The following FAM186A variants were observed in gnomAD, a reference collection of about 807,000 sequenced individuals.
The protein encoded by FAM186A is protein FAM186A.
FAM186A carries 163 observed loss-of-function variants against 216.8 expected under a neutral mutation model. The ratio of observed to expected loss-of-function variants is 0.75; its 90% CI spans 0.66 to 0.86. FAM186A has a LOEUF of 0.86. FAM186A is among the 40% of genes least tolerant of loss of function. FAM186A has a pLI of 0.00. For missense variants in FAM186A, 2,184 were observed against 2,746.2 expected (o/e 0.80, Z 4.58); for synonymous variants, 805 against 1,025.3 (o/e 0.79, Z 4.10).
intron 3 of FAM186A, among the ~76,000 whole-genome samples, chr12:50,358,542 C>T (rs890914303): frequency 1.3e-5 from 2 of 151,652 alleles, no homozygotes; most frequent in African/African-American, 4.8e-5. Flanking sequence ...ATTATTGTAC[C>T]AATGCACCCC....
chr12:50,369,363 C>G (rs1405300731), intron 1 of FAM186A, among the ~76,000 whole-genome samples: 3 of 151,552 alleles, frequency 2.0e-5, no homozygotes, highest in Admixed American at 2.0e-4. Flanking sequence ...TGGTGGTGGG[C>G]GCCTGTAGAC....
At chr12:50,383,465 G>A (rs1001825137) in intron 1 of FAM186A, among the ~76,000 whole-genome samples, 1 of 151,728 alleles carries the variant, frequency 6.6e-6, no homozygotes, top group Middle Eastern at 3.2e-3. Flanking sequence ...GCGTGGTGGT[G>A]CACACCTGTA....
chr12:50,393,529 G>A (rs1198392031), intron 1 of FAM186A, among the ~76,000 whole-genome samples: 1 of 150,776 alleles, frequency 6.6e-6, no homozygotes, highest in Admixed American at 6.6e-5. Context: ...GTGTCAGAGC[G>A]AGACTCCATC....
intron 1 of FAM186A, among the ~76,000 whole-genome samples, chr12:50,382,938 T>C (rs950995082): frequency 6.6e-6 from 1 of 151,870 alleles, no homozygotes; most frequent in South Asian, 2.1e-4. Flanking sequence ...TTTTCTTTTA[T>C]AGTAAGAAAC....
At chr12:50,367,516 C>CAAAAAAAAAAAAAA (rs35171998) in intron 1 of FAM186A, among the ~76,000 whole-genome samples, 1 of 89,718 alleles carries the variant, frequency 1.1e-5, no homozygotes, top group Admixed American at 1.3e-4. Context: ...GACTCTGTCT[C>CAAAAAAAAAAAAAA]AAAAAAAAAA....
chr12:50,361,032 A>G, intron 2 of FAM186A, 106 bp from the exon 3 acceptor site: 1 of 774,190 alleles, frequency 1.3e-6, no homozygotes, highest in Non-Finnish European at 1.9e-6. Context: ...ATATTGGGGA[A>G]TATAGGTATC....
chr12:50,351,415 C>G lies in FAM186A; in HGVS notation c.5417G>C (p.Gly1806Ala). Residue 1806 changes from glycine (G) to alanine (A), a missense_variant, in exon 4 of 8, where the codon GGT (glycine) becomes GCT (alanine). Gly to Ala is a moderately conservative substitution (Grantham distance 60, BLOSUM62 0). This residue lies in a region of FAM186A where 721 missense variants were observed against 816.4 expected (regional missense o/e 0.88). Coordinates refer to ENST00000327337, the MANE Select transcript of FAM186A (RefSeq NM_001145475.3). ...CGGGAACTGCGCAGAAGTGGATTGA[C>G]CTCCGTATACCAGGGTCTGTCCAGA... The part of the protein sequence containing the change: ...RSSGQTLVYG[G>A]QSTSAQFPAP... 1.4e-6 allele frequency: 2 copies of G among 1,466,116 alleles called. No homozygotes were observed. The highest frequency in any genetic ancestry group is 9.0e-7 in the Non-Finnish European group (1 of 1,109,496). 90.8% of individuals were successfully genotyped at this position (1,466,116 alleles called of 1,614,324 possible). A position where few individuals can be genotyped will look rare whatever the true frequency, so the allele number is the denominator to read the frequency against.
At position 50,351,341 on chromosome 12, in the gene FAM186A, G is replaced by A. The variant is rs1295245661; in HGVS notation, c.5491C>T (p.Pro1831Ser). 1.1e-5 allele frequency: 16 copies of A among 1,492,316 alleles called. No individual in the cohort carries two copies. In the East Asian group the frequency reaches 3.7e-4, roughly 34 times the overall value. 92.4% of individuals were successfully genotyped at this position (1,492,316 alleles called of 1,614,324 possible). A position where few individuals can be genotyped will look rare whatever the true frequency, so the allele number is the denominator to read the frequency against. The stretch of plus-strand genomic sequence containing the variant: ...ATAAAGGGCTGCCCTGGAGTGGGAG[G>A]GGCCCGAGATATTGGGAGCTGCCCA... Reference protein sequence around the residue: ...SPGQLPISRAPPTPGQPFIAG... With the variant: ...SPGQLPISRASPTPGQPFIAG... The change falls in exon 4 of 8, where the codon CCT becomes TCT. Residue 1831 changes from proline (P) to serine (S), a missense_variant. By Grantham distance (74) the Pro-to-Ser change is moderately conservative. This residue lies in a region of FAM186A where 721 missense variants were observed against 816.4 expected (regional missense o/e 0.88). Transcript: ENST00000327337.
intron 1 of FAM186A, among the ~76,000 whole-genome samples, chr12:50,386,550 C>T (rs1215060452): frequency 2.6e-5 from 4 of 151,970 alleles, no homozygotes; most frequent in Admixed American, 6.6e-5. Context: ...ACACATAAAC[C>T]GTTTTGGTCA....
At position 50,353,479 on chromosome 12, in the gene FAM186A, G is replaced by T. The variant is rs1942933554; in HGVS notation, c.3353C>A (p.Ala1118Asp). The T allele has an allele frequency of 1.3e-6, 2 of 1,536,568 alleles. No individual in the cohort carries two copies. Among genetic ancestry groups the T allele is most frequent in the Non-Finnish European group, 1.8e-6 (2 of 1,140,136 alleles). The change falls in exon 4 of 8, where the codon GCC (alanine) becomes GAC (aspartate). Residue 1118 changes from alanine (A) to aspartate (D), a missense_variant. Transcript: ENST00000327337. ...GIPLTPQQAQ[A>D]LEILFTPQQA... ...CTGAGGGGTGAAAAGGATCTCCAGGGCCTGGGCCTGCTGAGGGGTGAGAGG... is the reference window on the plus strand; with the variant it reads ...CTGAGGGGTGAAAAGGATCTCCAGGTCCTGGGCCTGCTGAGGGGTGAGAGG...
In FAM186A at chr12:50,350,614, A is replaced by C. The variant is rs987458046; in HGVS notation, c.6218T>G (p.Ile2073Arg). 6.4e-7 allele frequency: 1 copy of C among 1,551,598 alleles called. No individual in the cohort carries two copies. The highest frequency in any genetic ancestry group is 8.7e-7 in the Non-Finnish European group (1 of 1,146,980). The change falls in exon 4 of 8, where the codon ATA (isoleucine) becomes AGA (arginine). Residue 2073 changes from isoleucine (I) to arginine (R), a missense_variant. Around this residue, in one of 7 missense-constraint regions of FAM186A, gnomAD observed 721 missense variants for 816.4 expected, o/e 0.88. Transcript: ENST00000327337. ...TGAACTCAGTATCCAGGGCTTGTCTATAGGAGGGAATCGGGATTTCTGGTA... is the reference window on the plus strand; with the variant it reads ...TGAACTCAGTATCCAGGGCTTGTCTCTAGGAGGGAATCGGGATTTCTGGTA... ...EWYQKSRFPP[I>R]DKPWILSSVS...
chr12:50,344,980 G>A (rs567900371), intron 4 of FAM186A, among the ~76,000 whole-genome samples: 47 of 152,184 alleles, frequency 3.1e-4, no homozygotes, highest in Middle Eastern at 6.8e-3. Flanking sequence ...GGCCGAGCGC[G>A]GTGGCTCACG....
chr12:50,351,175 T>C lies in FAM186A; in HGVS notation c.5657A>G (p.Gln1886Arg). ...AGCAGTGGCAGGAGGCTGGAATTCC[T>C]GGAGCTGCTCAGAGAAGGTTAAGGG... ...SGPLTFSEQL[Q>R]EFQPPATAEQ... The change falls in exon 4 of 8, where the codon CAG becomes CGG. Residue 1886 changes from glutamine (Q) to arginine (R), a missense_variant. Physicochemically the swap from Gln to Arg is conservative, Grantham distance 43. Transcript: ENST00000327337. The C allele has an allele frequency of 6.4e-7, 1 of 1,551,452 alleles. No homozygotes were observed. The highest frequency in any genetic ancestry group is 8.7e-7 in the Non-Finnish European group (1 of 1,146,944).
intron 1 of FAM186A, chr12:50,392,300 CGGAGTCTCGCTCT>C (rs1477990697): frequency 1.2e-5 from 2 of 170,778 alleles, no homozygotes; most frequent in Non-Finnish European, 2.4e-5. Context: ...TGTTTTGAGA[CGGAGTCTCGCTCT>C]GTCGCCCAGG....
At chr12:50,366,849 C>T (rs1260020386) in intron 1 of FAM186A, among the ~76,000 whole-genome samples, 2 of 151,742 alleles carry the variant, frequency 1.3e-5, no homozygotes, top group African/African-American at 2.4e-5. Context: ...CCTGGCTCTA[C>T]AAAAAATAAA....
chr12:50,376,070 G>T (rs539435006), intron 1 of FAM186A, among the ~76,000 whole-genome samples: 2 of 152,250 alleles, frequency 1.3e-5, no homozygotes, highest in Non-Finnish European at 2.9e-5. Context: ...GCTGTGGCTG[G>T]ACCAGACATA....
chr12:50,335,568 C>T (rs369279443), intron 4 of FAM186A, among the ~76,000 whole-genome samples: 1 of 151,122 alleles, frequency 6.6e-6, no homozygotes, highest in Admixed American at 6.6e-5. Context: ...CACTTGAACC[C>T]GAGCAACAGA....
rs972837102 is a variant in FAM186A at position 50,351,402 on chromosome 12, A to C, written c.5430T>G (p.Ser1810=). Residue 1810 remains serine, a synonymous_variant, in exon 4 of 8, where the codon TCT becomes TCG. Transcript: ENST00000327337. Reference sequence around the variant, plus strand: ...GGGCCTGTGGTGCCGGGAACTGCGCAGAAGTGGATTGACCTCCGTATACCA... The same window carrying C: ...GGGCCTGTGGTGCCGGGAACTGCGCCGAAGTGGATTGACCTCCGTATACCA... ...QTLVYGGQST[S]AQFPAPQAPP... is the part of the protein sequence containing the mutation. The C allele has an allele frequency of 3.4e-6, 5 of 1,467,922 alleles. No individual in the cohort carries two copies. Among genetic ancestry groups the C allele is most frequent in the African/African-American group, 1.4e-5 (1 of 70,030 alleles). The allele number at this position is 1,467,922 out of a possible 1,614,324, so 90.9% of individuals were successfully genotyped here.
Position 50,354,054 on chromosome 12 carries a change from T to C in FAM186A, c.2778A>G (p.Glu926=), listed in dbSNP as rs1237876077. 9 of 1,551,632 alleles carry C rather than the reference T, an allele frequency of 5.8e-6. No homozygotes were observed. Among genetic ancestry groups the C allele is most frequent in the Middle Eastern group, 1.7e-4 (1 of 6,014 alleles). The stretch of plus-strand genomic sequence containing the variant: ...GTGTTTTCATTTTTTGGGTCCCTTC[T>C]TCCAGCCGCTGCAGGCTTGACTTTG... ...ELPKSSLQRL[E]EGTQKMKTQG... Residue 926 remains glutamate, a synonymous_variant, in exon 4 of 8, where the codon GAA becomes GAG. Transcript: ENST00000327337.
Sources: allele counts gnomAD v4.1 joint callset (sites outside exome capture counted in the v4.1 genomes callset), GRCh38; gene constraint gnomAD v4.1.1; regional missense constraint gnomAD v4.1.1; transcripts MANE v1.5; gene names NCBI Gene and HGNC (gene_info 2026-07-23, HGNC 2026-07-21).